ATF6: variants seen among roughly 807,000 people sequenced by gnomAD.
ATF6 encodes the protein cyclic AMP-dependent transcription factor ATF-6 alpha.
A neutral mutation model predicts 83.6 loss-of-function variants in ATF6; 53 were observed. The ratio of observed to expected loss-of-function variants is 0.63; its 90% confidence interval spans 0.51 to 0.80. The LOEUF is 0.80. ATF6 is among the 30% of genes least tolerant of loss of function. The pLI is 0.00. For synonymous variants in ATF6, 288 were observed against 285.8 expected, an observed-to-expected ratio of 1.01 and a Z score of -0.08; for missense variants, 744 against 797.9, an observed-to-expected ratio of 0.93 and a Z score of 0.81.
At chr1:161,850,206 A>G (rs564551692) in intron 10 of ATF6, among the ~76,000 whole-genome samples, 111 of 152,266 alleles carry the variant, frequency 7.3e-4, no homozygotes, top group African/African-American at 2.6e-3. Context: ...TTCTTATTAC[A>G]TTTAGTAATT....
At chr1:161,860,429 T>C (rs1194809969) in intron 13 of ATF6, 152 bp downstream of exon 13, 1 of 240,920 alleles carries the variant, frequency 4.2e-6, no homozygotes, top group East Asian at 8.9e-5. Context: ...TATATGTATA[T>C]ATATATATAA....
intron 6 of ATF6, among the ~76,000 whole-genome samples, chr1:161,799,554 A>G (rs774978273): frequency 1.3e-5 from 2 of 152,210 alleles, no homozygotes; most frequent in African/African-American, 2.4e-5. Context: ...CCATGTAACA[A>G]ACCTGCCTGT....
At chr1:161,893,129 A>G (rs1356159720) in intron 14 of ATF6, among the ~76,000 whole-genome samples, 1 of 152,160 alleles carries the variant, frequency 6.6e-6, no homozygotes, top group Non-Finnish European at 1.5e-5. Flanking sequence ...TAGAAAAATC[A>G]TACACTGGTT....
At chr1:161,841,686 C>G (rs1285365408) in intron 9 of ATF6, among the ~76,000 whole-genome samples, 1 of 152,100 alleles carries the variant, frequency 6.6e-6, no homozygotes, top group Non-Finnish European at 1.5e-5. Context: ...TTGTGAAGCT[C>G]ATTGAATGCG....
chr1:161,922,169 AT>A lies in ATF6; in HGVS notation c.1804+9790del, dbSNP rs144317660. On this transcript the variant is annotated intron_variant, in intron 15 of 15. Transcript: ENST00000367942. ...CTGCATACTGCTGCCAAGATGAGTCATCCTTACATACTGCTTTTGTTATATC... is the reference window on the plus strand; with the variant it reads ...CTGCATACTGCTGCCAAGATGAGTCACCTTACATACTGCTTTTGTTATATC... Among the ~76,000 whole-genome samples the A allele has an allele frequency of 2.2e-3, 339 of 152,330 alleles. 2 individuals carry two copies. The highest frequency in any genetic ancestry group is 7.9e-3 in the African/African-American group (330 of 41,572).
chr1:161,863,736 A>G (rs1420224059), intron 14 of ATF6, among the ~76,000 whole-genome samples: 1 of 152,210 alleles, frequency 6.6e-6, no homozygotes, highest in Non-Finnish European at 1.5e-5. Flanking sequence ...CTGATTATTA[A>G]TTGTGGAATG....
Position 161,962,252 on chromosome 1 carries a change from G to GT in ATF6, c.*3599dup, listed in dbSNP as rs1379246905. 1 of 152,128 alleles carries GT rather than the reference G, an allele frequency of 6.6e-6. No individual in the cohort carries two copies. The allele number at this position is 152,128 out of a possible 1,614,324, so 9.4% of individuals were successfully genotyped here. On this transcript the variant is annotated 3_prime_UTR_variant, in exon 16 of 16. Transcript: ENST00000367942. Reference sequence around the variant, plus strand: ...TGTGAGTCATTCTTAAGTGTTCCAAGTAAGTTTAGAAACAGAAAAGGAACT... The same window carrying GT: ...TGTGAGTCATTCTTAAGTGTTCCAAGTTAAGTTTAGAAACAGAAAAGGAACT...
chr1:161,830,987 A>T (rs1419495192), intron 9 of ATF6, among the ~76,000 whole-genome samples: 1 of 152,234 alleles, frequency 6.6e-6, no homozygotes, highest in Non-Finnish European at 1.5e-5. Context: ...ACAGCAAAAG[A>T]AACTACCGTC....
At chr1:161,782,804 A>ACTGCT (rs5778235) in intron 3 of ATF6, among the ~76,000 whole-genome samples, 2 of 151,828 alleles carry the variant, frequency 1.3e-5, no homozygotes, top group Admixed American at 6.6e-5. Flanking sequence ...CGTTTGACAA[A>ACTGCT]CTAAATCTTA....
In ATF6 at chr1:161,862,973, C is replaced by T. The variant is rs538509265; in HGVS notation, c.1605-225C>T. ...CTTGACCATCTAGTACATTTTAGAG[C>T]CTTGATTCAGAAATCAGAATTTTAG... On this transcript the variant is annotated intron_variant, in intron 13 of 15. Coordinates refer to ENST00000367942, the MANE Select transcript of ATF6 (RefSeq NM_007348.4). 6.6e-5 allele frequency among the ~76,000 whole-genome samples: 10 copies of T among 152,098 alleles called. No individual in the cohort carries two copies. In the East Asian group the frequency reaches 1.4e-3, roughly 21 times the overall value.
At chr1:161,902,102 C>A (rs996380176) in intron 14 of ATF6, among the ~76,000 whole-genome samples, 3 of 152,126 alleles carry the variant, frequency 2.0e-5, no homozygotes, top group Admixed American at 6.5e-5. Context: ...CAAATACTGT[C>A]AAGTATTTTC....
At chr1:161,948,069 C>A (rs948664829) in intron 15 of ATF6, among the ~76,000 whole-genome samples, 1 of 151,940 alleles carries the variant, frequency 6.6e-6, no homozygotes, top group African/African-American at 2.4e-5. Context: ...AGTGATCCAC[C>A]CCCCCGTCAG....
intron 15 of ATF6, among the ~76,000 whole-genome samples, chr1:161,943,071 G>T (rs918600220): frequency 1.3e-5 from 2 of 152,164 alleles, no homozygotes; most frequent in African/African-American, 4.8e-5. Context: ...GGCCATGCTG[G>T]TCATGATTTC....
chr1:161,802,357 T>C, intron 7 of ATF6, 85 bp downstream of exon 7: 1 of 1,279,584 alleles, frequency 7.8e-7, no homozygotes, highest in African/African-American at 1.5e-5. Context: ...GCCTTGTTTT[T>C]GTTTTTTTTA....
chr1:161,892,936 C>T (rs1397823521), intron 14 of ATF6, among the ~76,000 whole-genome samples: 2 of 151,978 alleles, frequency 1.3e-5, no homozygotes, highest in African/African-American at 4.8e-5. Flanking sequence ...CCGCGCCTGG[C>T]GGGTCATTCT....
At chr1:161,859,863 A>G (rs1686845479) in intron 12 of ATF6, among the ~76,000 whole-genome samples, 1 of 152,180 alleles carries the variant, frequency 6.6e-6, no homozygotes, top group African/African-American at 2.4e-5. Context: ...GGAACTTGTC[A>G]TTGGGAAGAT....
intron 9 of ATF6, among the ~76,000 whole-genome samples, chr1:161,823,903 T>A (rs535114462): frequency 1.3e-5 from 2 of 152,294 alleles, no homozygotes; most frequent in South Asian, 4.2e-4. Context: ...GATAGGCAGC[T>A]AGGGTATTTC....
intron 1 of ATF6, among the ~76,000 whole-genome samples, chr1:161,773,431 A>G (rs1684442578): frequency 6.6e-6 from 1 of 151,792 alleles, no homozygotes; most frequent in African/African-American, 2.4e-5. Flanking sequence ...GTCAGCCACT[A>G]ATTTTTGTAT....
chr1:161,846,567 A>G lies in ATF6; in HGVS notation c.1306A>G (p.Lys436Glu), dbSNP rs368810553. The G allele has an allele frequency of 1.6e-5, 26 of 1,599,772 alleles. No homozygotes were observed. In the African/African-American group the frequency reaches 2.4e-4, roughly 15 times the overall value. ...GGACACATCAGATGGTATTATCCAGAAAAACAGCTACAGGTAAGATGGCAT... is the reference window on the plus strand; with the variant it reads ...GGACACATCAGATGGTATTATCCAGGAAAACAGCTACAGGTAAGATGGCAT... ...AQDTSDGIIQKNSYRYDHSVS... is the reference protein window; with the variant it reads ...AQDTSDGIIQENSYRYDHSVS... Residue 436 changes from lysine to glutamate, a missense_variant, in exon 10 of 16, where the codon AAA (lysine) becomes GAA (glutamate). Physicochemically the swap from Lys to Glu is moderately conservative, Grantham distance 56. Transcript: ENST00000367942.
Sources: gnomAD v4.1 joint callset for allele counts (sites outside exome capture counted in the v4.1 genomes callset) on GRCh38, gnomAD v4.1.1 for gene constraint, MANE v1.5 for transcripts, NCBI Gene and HGNC (gene_info 2026-07-23, HGNC 2026-07-21) for gene names.